The following TCF7L1 variants were observed in gnomAD, a reference collection of about 807,000 sequenced individuals.
TCF7L1 encodes transcription factor 7-like 1.
TCF7L1 carries 18 observed loss-of-function variants against 63.7 expected under a neutral mutation model. That is an observed-to-expected ratio of 0.28 (90% CI 0.20 to 0.42). The LOEUF (loss-of-function observed/expected upper bound fraction) is 0.42. Ranked by LOEUF, TCF7L1 falls within the 10% of genes least tolerant of loss-of-function variation. TCF7L1 has a pLI of 1.00. For missense variants in TCF7L1, 654 were observed against 779.3 expected (o/e 0.84, Z 1.91); for synonymous variants, 355 against 340.9 (o/e 1.04, Z -0.46).
At chr2:85,267,152 C>T (rs1458211329) in intron 3 of TCF7L1, among the ~76,000 whole-genome samples, 2 of 151,764 alleles carry the variant, frequency 1.3e-5, no homozygotes, top group Non-Finnish European at 1.5e-5. Flanking sequence ...ACCAGCCTGG[C>T]TAACGTGGTG....
chr2:85,269,129 G>A (rs1681084664), intron 3 of TCF7L1, among the ~76,000 whole-genome samples: 1 of 152,154 alleles, frequency 6.6e-6, no homozygotes, highest in Non-Finnish European at 1.5e-5. Flanking sequence ...TTGAGTCTGT[G>A]TGCAGAACCT....
chr2:85,175,249 A>G (rs999670720), intron 3 of TCF7L1, among the ~76,000 whole-genome samples: 5 of 152,208 alleles, frequency 3.3e-5, no homozygotes, highest in Non-Finnish European at 5.9e-5. Flanking sequence ...ATCAGTTTGA[A>G]GCCTGCTTTA....
chr2:85,235,546 C>T (rs1452447427), intron 3 of TCF7L1, among the ~76,000 whole-genome samples: 1 of 151,990 alleles, frequency 6.6e-6, no homozygotes, highest in African/African-American at 2.4e-5. Flanking sequence ...GGCACATTTC[C>T]TCATCTGTAC....
chr2:85,177,861 G>T (rs968593652), intron 3 of TCF7L1, among the ~76,000 whole-genome samples: 1 of 152,078 alleles, frequency 6.6e-6, no homozygotes, highest in South Asian at 2.1e-4. Context: ...GTTTTTGGTG[G>T]TTTCTTCATT....
intron 3 of TCF7L1, among the ~76,000 whole-genome samples, chr2:85,252,695 G>GT (rs1680623919): frequency 6.6e-6 from 1 of 152,246 alleles, no homozygotes; most frequent in African/African-American, 2.4e-5. Flanking sequence ...TCAGAGTAGA[G>GT]TAAGTGTGTG....
intron 3 of TCF7L1, among the ~76,000 whole-genome samples, chr2:85,195,695 C>T (rs2007125): frequency 0.37 from 55,646 of 151,528 alleles, 10,540 homozygotes; most frequent in Non-Finnish European, 0.42. Context: ...TAGAGGGGCA[C>T]GCCACCACCC....
intron 3 of TCF7L1, among the ~76,000 whole-genome samples, chr2:85,203,846 T>G (rs574056378): frequency 2.0e-5 from 3 of 152,260 alleles, no homozygotes; most frequent in African/African-American, 7.2e-5. Flanking sequence ...AAAGATACCT[T>G]TAACAGTATT....
chr2:85,211,255 C>T lies in TCF7L1; in HGVS notation c.442-72240C>T, dbSNP rs563419459. On this transcript the variant is annotated intron_variant, in intron 3 of 11. Transcript: ENST00000282111. ...ATTTAGGAATTGTCTGGAACCACCA[C>T]GATGGAGACTATCAACAATATGTAC... is the stretch of plus-strand genomic sequence containing the variant. Among the ~76,000 whole-genome samples the T allele has an allele frequency of 2.6e-5, 4 of 152,276 alleles. No individual in the cohort carries two copies. In the South Asian group the frequency reaches 6.2e-4, roughly 24 times the overall value.
intron 3 of TCF7L1, among the ~76,000 whole-genome samples, chr2:85,147,391 C>A (rs879885965): frequency 1.3e-5 from 2 of 152,178 alleles, no homozygotes; most frequent in Non-Finnish European, 2.9e-5. Context: ...TCCCACCTGT[C>A]ACTCTTTCCC....
At chr2:85,165,158 C>T (rs1320801959) in intron 3 of TCF7L1, among the ~76,000 whole-genome samples, 1 of 152,166 alleles carries the variant, frequency 6.6e-6, no homozygotes, top group Non-Finnish European at 1.5e-5. Flanking sequence ...TTCCTGTTCC[C>T]AGTCAGTGAA....
intron 3 of TCF7L1, among the ~76,000 whole-genome samples, chr2:85,260,862 C>A (rs929484553): frequency 1.1e-4 from 16 of 152,288 alleles, no homozygotes; most frequent in Admixed American, 7.2e-4. Context: ...CAAGCAGCAA[C>A]ATCCTAAAAT....
chr2:85,305,216 A>G (rs1309472719), intron 7 of TCF7L1, 44 bp from the exon 8 acceptor site: 20 of 1,614,060 alleles, frequency 1.2e-5, no homozygotes, highest in Non-Finnish European at 1.5e-5. Flanking sequence ...GCAGGTATCC[A>G]GCCTGAACCC....
intron 3 of TCF7L1, among the ~76,000 whole-genome samples, chr2:85,148,962 A>G (rs1474155402): frequency 6.6e-6 from 1 of 151,994 alleles, no homozygotes; most frequent in Non-Finnish European, 1.5e-5. Flanking sequence ...TATTTTTAGT[A>G]GAGATGGGGT....
chr2:85,270,011 C>T (rs1021240735), intron 3 of TCF7L1, among the ~76,000 whole-genome samples: 4 of 152,162 alleles, frequency 2.6e-5, no homozygotes, highest in African/African-American at 4.8e-5. Flanking sequence ...CAGACATTTC[C>T]CATCTCCCGG....
chr2:85,136,094 A>G (rs1027259085), intron 3 of TCF7L1, among the ~76,000 whole-genome samples: 3 of 152,098 alleles, frequency 2.0e-5, no homozygotes, highest in African/African-American at 4.8e-5. Flanking sequence ...TCCATTTACT[A>G]TTAGGATATC....
chr2:85,307,746 C>T, intron 11 of TCF7L1, 29 bp downstream of exon 11: 1 of 1,604,164 alleles, frequency 6.2e-7, no homozygotes. Flanking sequence ...GCCTCTTCTC[C>T]TGCTTTTCCT....
intron 3 of TCF7L1, among the ~76,000 whole-genome samples, chr2:85,234,121 T>C (rs1273703175): frequency 6.7e-6 from 1 of 150,066 alleles, no homozygotes; most frequent in African/African-American, 2.5e-5. Context: ...TTTCTTTTCT[T>C]TTTTCTTTTC....
chr2:85,283,607 AG>A, intron 4 of TCF7L1, 29 bp downstream of exon 4: 1 of 1,612,870 alleles, frequency 6.2e-7, no homozygotes, highest in Non-Finnish European at 8.5e-7. Flanking sequence ...AAAGCACCAA[AG>A]GGCCACTATT....
chr2:85,302,659 G>A (rs200342643), intron 5 of TCF7L1, 43 bp downstream of exon 5: 58 of 1,592,416 alleles, frequency 3.6e-5, no homozygotes, highest in Admixed American at 7.0e-5. Flanking sequence ...CAGGGCAGGC[G>A]GGCTTCTCTT....
Sources: allele counts gnomAD v4.1 joint callset (sites outside exome capture counted in the v4.1 genomes callset), GRCh38; gene constraint gnomAD v4.1.1; transcripts MANE v1.5; gene names NCBI Gene and HGNC (gene_info 2026-07-23, HGNC 2026-07-21).